Variants in PCSK6 observed in about 807,000 individuals in gnomAD.
PCSK6 encodes proprotein convertase subtilisin/kexin type 6, also known as paired basic amino acid cleaving enzyme 4.
Under a neutral mutation model 123.3 loss-of-function variants are expected in PCSK6, and 85 were observed. The ratio of observed to expected loss-of-function variants is 0.69; its 90% CI spans 0.58 to 0.83. The LOEUF (loss-of-function observed/expected upper bound fraction) is 0.83. PCSK6 is among the 40% of genes least tolerant of loss of function. The probability of loss-of-function intolerance (pLI) is 0.00; values close to 1 mark genes in which losing one functional copy is unlikely to be tolerated. For missense variants in PCSK6, 1,191 were observed against 1,282.3 expected, an observed-to-expected ratio of 0.93 and a Z score of 1.09; for synonymous variants, 508 against 516.0, an observed-to-expected ratio of 0.98 and a Z score of 0.21.
intron 6 of PCSK6, among the ~76,000 whole-genome samples, chr15:101,419,838 G>A (rs1010456863): frequency 6.6e-6 from 1 of 151,942 alleles, no homozygotes; most frequent in African/African-American, 2.4e-5. Flanking sequence ...ATATTGATTT[G>A]GGGGGATCTC....
At chr15:101,419,934 C>T (rs1341866450) in intron 6 of PCSK6, among the ~76,000 whole-genome samples, 2 of 151,960 alleles carry the variant, frequency 1.3e-5, no homozygotes, top group Non-Finnish European at 2.9e-5. Flanking sequence ...CACCTGTAAT[C>T]CCAGTACTTT....
chr15:101,431,677 T>C (rs951817890), intron 3 of PCSK6, among the ~76,000 whole-genome samples: 2 of 152,216 alleles, frequency 1.3e-5, no homozygotes, highest in Non-Finnish European at 2.9e-5. Context: ...CAATCTATAT[T>C]TTCCCAGGGC....
chr15:101,460,156 G>A (rs1403194380), intron 1 of PCSK6, among the ~76,000 whole-genome samples: 1 of 151,866 alleles, frequency 6.6e-6, no homozygotes, highest in African/African-American at 2.4e-5. Flanking sequence ...ACGATGGCCT[G>A]GGCCTACCCA....
At chr15:101,479,240 A>G (rs1217179434) in intron 1 of PCSK6, among the ~76,000 whole-genome samples, 1 of 152,196 alleles carries the variant, frequency 6.6e-6, no homozygotes, top group Admixed American at 6.5e-5. Context: ...TAGACCACAC[A>G]AGGAAGGGGC....
At chr15:101,406,934 G>A (rs74032851) in intron 6 of PCSK6, among the ~76,000 whole-genome samples, 4,028 of 152,282 alleles carry the variant, frequency 0.026, 197 homozygotes, top group African/African-American at 0.092. Context: ...CAGGAGATGA[G>A]GTCTGTCCCA....
At chr15:101,410,491 G>C (rs903279869) in intron 6 of PCSK6, among the ~76,000 whole-genome samples, 1 of 152,204 alleles carries the variant, frequency 6.6e-6, no homozygotes, top group Non-Finnish European at 1.5e-5. Flanking sequence ...AAGAAGAGGG[G>C]CTAGGAAATG....
At position 101,463,569 on chromosome 15, in the gene PCSK6, C is replaced by A. The variant is rs566918066; in HGVS notation, c.298-19909G>T. Among the ~76,000 whole-genome samples the A allele has an allele frequency of 1.8e-4, 27 of 152,300 alleles. No individual in the cohort carries two copies. The South Asian group carries it at 5.6e-3, about 32-fold the overall frequency. On this transcript the variant is annotated intron_variant, in intron 1 of 21. Transcript: ENST00000611716. ...ACCTCCACTGATAAAGTAATTGTTA[C>A]TGAAAGTGGTCTTCAAATAAATCCT...
At chr15:101,383,409 CAAAAAAAA>C (rs35670221) in intron 10 of PCSK6, among the ~76,000 whole-genome samples, 3 of 76,512 alleles carry the variant, frequency 3.9e-5, no homozygotes, top group Admixed American at 1.4e-4. Context: ...GACTCTGTCT[CAAAAAAAA>C]AAAAAAAAAA....
chr15:101,403,813 G>T (rs147755798), intron 6 of PCSK6, among the ~76,000 whole-genome samples: 1 of 152,046 alleles, frequency 6.6e-6, no homozygotes, highest in Admixed American at 6.6e-5. Flanking sequence ...TCCGCCTCCC[G>T]GGTTCAAGTG....
intron 1 of PCSK6, among the ~76,000 whole-genome samples, chr15:101,452,209 TC>T (rs1396290061): frequency 6.6e-6 from 1 of 152,214 alleles, no homozygotes. Flanking sequence ...TTAGCAAACT[TC>T]ATTTTTCTCT....
intron 1 of PCSK6, among the ~76,000 whole-genome samples, chr15:101,467,104 T>TAA (rs143120072): frequency 0.063 from 9,572 of 151,902 alleles, 760 homozygotes; most frequent in African/African-American, 0.18. Context: ...CCCATACAGG[T>TAA]AAAAAAAATT....
chr15:101,313,445 C>A lies in PCSK6; in HGVS notation c.2630G>T (p.Cys877Phe). 6.2e-7 allele frequency: 1 copy of A among 1,612,270 alleles called. No individual in the cohort carries two copies. Among genetic ancestry groups the A allele is most frequent in the Non-Finnish European group, 8.5e-7 (1 of 1,179,826 alleles). ...GAAGCCCTCACCACAGGCTGGCACA[C>A]ACTTCCAGTCGTGGAAGTGGAAGTT... is the stretch of plus-strand genomic sequence containing the variant. ...AKNFHFHDWKCVPACGEGFYP... is the reference protein window; with the variant it reads ...AKNFHFHDWKFVPACGEGFYP... Residue 877 changes from cysteine to phenylalanine, a missense_variant, in exon 20 of 22, where the codon TGT becomes TTT. By Grantham distance (205) the Cys-to-Phe change is radical. Transcript: ENST00000611716.
chr15:101,443,464 T>C, intron 2 of PCSK6, 92 bp downstream of exon 2: 1 of 850,320 alleles, frequency 1.2e-6, no homozygotes, highest in Non-Finnish European at 2.0e-6. Context: ...CTCATGTCTA[T>C]CCAGAATCAC....
intron 1 of PCSK6, among the ~76,000 whole-genome samples, chr15:101,459,792 C>T (rs59487138): frequency 0.02 from 3,025 of 151,728 alleles, 88 homozygotes; most frequent in African/African-American, 0.068. Context: ...CGCCTGCCAC[C>T]GGGTCCTCCA....
At chr15:101,438,841 C>T (rs957769281) in intron 2 of PCSK6, among the ~76,000 whole-genome samples, 1 of 152,240 alleles carries the variant, frequency 6.6e-6, no homozygotes, top group African/African-American at 2.4e-5. Flanking sequence ...GCCAAGTCCG[C>T]AGCCTCTGAG....
At chr15:101,325,263 G>T (rs1246899784) in intron 16 of PCSK6, among the ~76,000 whole-genome samples, 1 of 152,174 alleles carries the variant, frequency 6.6e-6, no homozygotes, top group Non-Finnish European at 1.5e-5. Context: ...TTCAAAGCTG[G>T]CCCTGCTGGA....
chr15:101,488,893 TG>T (rs2058086059), intron 1 of PCSK6, among the ~76,000 whole-genome samples: 1 of 149,498 alleles, frequency 6.7e-6, no homozygotes, highest in Non-Finnish European at 1.5e-5. Context: ...GCGGCCGCCT[TG>T]GCGCGCGCAC....
chr15:101,346,538 T>C (rs1318293579), intron 13 of PCSK6: 4 of 262,302 alleles, frequency 1.5e-5, no homozygotes, highest in Admixed American at 1.1e-4. Flanking sequence ...ACACGAAGTG[T>C]TTCTGGAAAT....
chr15:101,359,050 C>A (rs2041133488), intron 13 of PCSK6, among the ~76,000 whole-genome samples: 1 of 152,208 alleles, frequency 6.6e-6, no homozygotes, highest in African/African-American at 2.4e-5. Context: ...CCCGTCCTCC[C>A]CACACACAGC....
Sources: gnomAD v4.1 joint callset for allele counts (sites outside exome capture counted in the v4.1 genomes callset) on GRCh38, gnomAD v4.1.1 for gene constraint, MANE v1.5 for transcripts, NCBI Gene and HGNC (gene_info 2026-07-23, HGNC 2026-07-21) for gene names.